The following ARHGAP44 variants were observed in gnomAD, a reference collection of about 807,000 sequenced individuals.
ARHGAP44 encodes Rho GTPase activating protein 44.
In ARHGAP44, 43 loss-of-function variants were observed where a neutral mutation model predicts 106.8. That is an observed-to-expected ratio of 0.40 (90% CI 0.32 to 0.52). The LOEUF is 0.52. ARHGAP44 is among the 20% of genes least tolerant of loss of function. ARHGAP44 has a pLI of 0.48. For synonymous variants in ARHGAP44, 439 were observed against 410.3 expected (o/e 1.07, Z -0.85); for missense variants, 866 against 1,050.5 (o/e 0.82, Z 2.43).
intron 16 of ARHGAP44, among the ~76,000 whole-genome samples, chr17:12,972,517 G>A (rs887550000): frequency 1.3e-4 from 19 of 151,560 alleles, no homozygotes; most frequent in East Asian, 2.0e-4. Context: ...GTGTGGTGGC[G>A]GGTGCCTGTA....
At chr17:12,981,872 G>C (rs756600194) in intron 19 of ARHGAP44, among the ~76,000 whole-genome samples, 1 of 152,056 alleles carries the variant, frequency 6.6e-6, no homozygotes, top group Non-Finnish European at 1.5e-5. Context: ...TCAGCTGGGC[G>C]TGGTGGTGGG....
chr17:12,948,305 T>A (rs1194293049), intron 10 of ARHGAP44, among the ~76,000 whole-genome samples: 1 of 152,200 alleles, frequency 6.6e-6, no homozygotes, highest in East Asian at 1.9e-4. Context: ...TGCAGAGGAA[T>A]GGAAGGAGGC....
At chr17:12,978,052 A>AAAAAAAAAAAAAAAAAC (rs2039736392) in intron 18 of ARHGAP44, among the ~76,000 whole-genome samples, 1 of 150,176 alleles carries the variant, frequency 6.7e-6, no homozygotes, top group East Asian at 2.0e-4. Flanking sequence ...AAAAAAAAAA[A>AAAAAAAAAAAAAAAAAC]AAAAGTGTGT....
intron 16 of ARHGAP44, among the ~76,000 whole-genome samples, chr17:12,970,509 A>G (rs2039504975): frequency 6.6e-6 from 1 of 152,142 alleles, no homozygotes; most frequent in Non-Finnish European, 1.5e-5. Context: ...TTTGCTTCAC[A>G]TAGATTCTTG....
chr17:12,851,213 C>T (rs1490000493), intron 1 of ARHGAP44, among the ~76,000 whole-genome samples: 2 of 152,230 alleles, frequency 1.3e-5, no homozygotes, highest in Non-Finnish European at 2.9e-5. Context: ...TGTGGCCTCT[C>T]CCTGCATCTC....
At chr17:12,870,673 A>T (rs1022347699) in intron 1 of ARHGAP44, among the ~76,000 whole-genome samples, 15 of 152,144 alleles carry the variant, frequency 9.9e-5, no homozygotes, top group Admixed American at 4.6e-4. Flanking sequence ...ATTTACCTCC[A>T]TCTCTCTACA....
chr17:12,975,022 G>C (rs866091223), intron 18 of ARHGAP44, among the ~76,000 whole-genome samples: 9 of 152,034 alleles, frequency 5.9e-5, no homozygotes, highest in Middle Eastern at 3.4e-3. Flanking sequence ...GCTAATTTTT[G>C]TATTTTTAGT....
chr17:12,971,460 C>T (rs1475839625), intron 16 of ARHGAP44, among the ~76,000 whole-genome samples: 1 of 152,190 alleles, frequency 6.6e-6, no homozygotes, highest in Non-Finnish European at 1.5e-5. Context: ...AAACATCTCA[C>T]ATGCCCGAAA....
intron 1 of ARHGAP44, among the ~76,000 whole-genome samples, chr17:12,823,109 AC>A (rs1177354681): frequency 4.6e-5 from 7 of 152,184 alleles, no homozygotes. Flanking sequence ...TTTTGGGAGG[AC>A]ATGATTGTCC....
chr17:12,952,401 A>T, intron 12 of ARHGAP44, 100 bp from the exon 13 acceptor site: 1 of 957,070 alleles, frequency 1.0e-6, no homozygotes, highest in Non-Finnish European at 1.6e-6. Flanking sequence ...GGTCAGTTAC[A>T]GTGGTTGGTA....
intron 16 of ARHGAP44, among the ~76,000 whole-genome samples, chr17:12,964,790 A>G (rs1029196445): frequency 2.0e-5 from 3 of 152,088 alleles, no homozygotes; most frequent in Admixed American, 1.3e-4. Flanking sequence ...CTGTCTCAAA[A>G]AAAACAGAAT....
chr17:12,986,744 A>G (rs926618461), intron 20 of ARHGAP44: 1 of 192,696 alleles, frequency 5.2e-6, no homozygotes, highest in African/African-American at 2.3e-5. Flanking sequence ...AAAAGAGCAG[A>G]AGGAGAGGAG....
At chr17:12,857,099 A>AT (rs1265626103) in intron 1 of ARHGAP44, among the ~76,000 whole-genome samples, 2 of 152,196 alleles carry the variant, frequency 1.3e-5, no homozygotes, top group Non-Finnish European at 2.9e-5. Flanking sequence ...GTGCAAAGCC[A>AT]TTAATCATCA....
chr17:12,911,794 T>G (rs1186438824), intron 4 of ARHGAP44, among the ~76,000 whole-genome samples: 1 of 152,206 alleles, frequency 6.6e-6, no homozygotes, highest in Non-Finnish European at 1.5e-5. Flanking sequence ...TAATGTGTAC[T>G]GGATGTGGAT....
At chr17:12,902,652 TCC>T (rs2037408462) in intron 3 of ARHGAP44, among the ~76,000 whole-genome samples, 1 of 152,182 alleles carries the variant, frequency 6.6e-6, no homozygotes. Flanking sequence ...AGCATGCCCT[TCC>T]TTTTCTGTAA....
At chr17:12,968,567 G>A (rs576238560) in intron 16 of ARHGAP44, among the ~76,000 whole-genome samples, 4 of 151,818 alleles carry the variant, frequency 2.6e-5, no homozygotes, top group Admixed American at 1.3e-4. Context: ...TTATTTGTTT[G>A]TTCCTTAAGC....
chr17:12,879,712 C>CAT (rs1567664856), intron 1 of ARHGAP44, among the ~76,000 whole-genome samples: 1 of 146,806 alleles, frequency 6.8e-6, no homozygotes, highest in Non-Finnish European at 1.5e-5. Flanking sequence ...TACACACACA[C>CAT]AGTTAAAAAA....
intron 19 of ARHGAP44, 44 bp from the exon 20 acceptor site, chr17:12,984,487 C>T (rs770341396): frequency 1.4e-5 from 21 of 1,499,992 alleles, no homozygotes; most frequent in Non-Finnish European, 1.9e-5. Flanking sequence ...TGGCTTCATT[C>T]AACAACTTTG....
chr17:12,911,270 G>A (rs377705453), intron 4 of ARHGAP44, among the ~76,000 whole-genome samples: 1 of 151,984 alleles, frequency 6.6e-6, no homozygotes, highest in East Asian at 1.9e-4. Flanking sequence ...ATGACAGATT[G>A]AACATGCATC....
Sources: gnomAD v4.1 joint callset for allele counts (sites outside exome capture counted in the v4.1 genomes callset) on GRCh38, gnomAD v4.1.1 for gene constraint, MANE v1.5 for transcripts, NCBI Gene and HGNC (gene_info 2026-07-23, HGNC 2026-07-21) for gene names.